NCOA7: variants seen among roughly 807,000 people sequenced by gnomAD.
NCOA7 encodes the protein 140 kDa estrogen receptor-associated protein.
In NCOA7, 45 loss-of-function variants were observed where a neutral mutation model predicts 104.3. The observed-to-expected ratio is 0.43, with a 90% confidence interval of 0.34 to 0.55. NCOA7 has a LOEUF of 0.55. NCOA7 is among the 20% of genes least tolerant of loss of function. NCOA7 has a pLI of 0.02. For synonymous variants in NCOA7, 398 were observed against 402.3 expected, an observed-to-expected ratio of 0.99 and a Z score of 0.13; for missense variants, 1,041 against 1,119.7, an observed-to-expected ratio of 0.93 and a Z score of 1.00.
chr6:125,789,829 T>C (rs1334359497), upstream of NCOA7, among the ~76,000 whole-genome samples: 2 of 152,158 alleles, frequency 1.3e-5, no homozygotes, highest in East Asian at 3.8e-4. Context: ...ATCTAGTTTA[T>C]CTGTGTGGAA....
chr6:125,818,208 G>A (rs1295120570), intron 2 of NCOA7, among the ~76,000 whole-genome samples: 4 of 152,040 alleles, frequency 2.6e-5, no homozygotes. Context: ...AGTGATTCCT[G>A]TAGTAAAGGT....
chr6:125,870,895 C>G (rs1782836748), intron 3 of NCOA7, among the ~76,000 whole-genome samples: 1 of 152,134 alleles, frequency 6.6e-6, no homozygotes, highest in Non-Finnish European at 1.5e-5. Context: ...CCTCCCCATT[C>G]CAGCTCTTAC....
intron 11 of NCOA7, among the ~76,000 whole-genome samples, chr6:125,920,051 A>G (rs868618487): frequency 7.2e-5 from 11 of 152,240 alleles, no homozygotes; most frequent in African/African-American, 2.4e-4. Flanking sequence ...TGATTTATCC[A>G]TAATTTAAGA....
chr6:125,831,763 C>T (rs1779201626), intron 2 of NCOA7, among the ~76,000 whole-genome samples: 1 of 152,166 alleles, frequency 6.6e-6, no homozygotes, highest in Non-Finnish European at 1.5e-5. Flanking sequence ...CTCAACATCC[C>T]TATAATTTTC....
intron 10 of NCOA7, among the ~76,000 whole-genome samples, chr6:125,911,904 C>G (rs531899230): frequency 3.9e-5 from 6 of 152,170 alleles, no homozygotes; most frequent in Non-Finnish European, 5.9e-5. Context: ...AGCATACCCT[C>G]TCCCCCACGT....
chr6:125,882,247 G>T (rs935643754), intron 6 of NCOA7, among the ~76,000 whole-genome samples, 179 bp from the exon 7 acceptor site: 3 of 152,052 alleles, frequency 2.0e-5, no homozygotes, highest in East Asian at 3.9e-4. Flanking sequence ...AAAACAGTTT[G>T]ATTTGGGTAT....
chr6:125,920,920 C>T, intron 11 of NCOA7, 23 bp from the exon 12 acceptor site: 1 of 1,608,164 alleles, frequency 6.2e-7, no homozygotes. Context: ...AGTTATTTTT[C>T]TTGGCTTGTT....
At chr6:125,830,619 A>T (rs1289172333) in intron 2 of NCOA7, among the ~76,000 whole-genome samples, 1 of 151,840 alleles carries the variant, frequency 6.6e-6, no homozygotes, top group Non-Finnish European at 1.5e-5. Context: ...AGGTGGGAGG[A>T]TTGCTTGAGC....
At position 125,864,703 on chromosome 6, in the gene NCOA7, C is replaced by A. The variant is rs1375767959; in HGVS notation, c.271+9463C>A. On this transcript the variant is annotated intron_variant, in intron 3 of 15. Coordinates refer to ENST00000392477, the MANE Select transcript of NCOA7 (RefSeq NM_181782.5). The stretch of plus-strand genomic sequence containing the variant: ...CGAGCCAGGATGAGGGAAAAATACG[C>A]CGAGTTTGCCAGTGTCTTGATCTCG... Among the ~76,000 whole-genome samples the A allele has an allele frequency of 1.5e-5, 2 of 137,028 alleles. 1 individual carries two copies. Among genetic ancestry groups the A allele is most frequent in the African/African-American group, 6.2e-5 (2 of 32,518 alleles). The allele number at this position is 137,028 out of a possible 152,430, so 89.9% of individuals were successfully genotyped here.
At chr6:125,826,547 T>TC (rs1778676981) in intron 2 of NCOA7, among the ~76,000 whole-genome samples, 1 of 152,112 alleles carries the variant, frequency 6.6e-6, no homozygotes, top group Non-Finnish European at 1.5e-5. Context: ...CTCTCAGTTC[T>TC]TTCATGTAAT....
chr6:125,823,112 C>G (rs995280168), intron 2 of NCOA7, among the ~76,000 whole-genome samples: 1 of 152,168 alleles, frequency 6.6e-6, no homozygotes, highest in African/African-American at 2.4e-5. Flanking sequence ...CAGCACTGCT[C>G]AAGGACACTC....
At chr6:125,916,904 T>C (rs949250062) in intron 11 of NCOA7, among the ~76,000 whole-genome samples, 1 of 152,250 alleles carries the variant, frequency 6.6e-6, no homozygotes, top group Non-Finnish European at 1.5e-5. Flanking sequence ...TTTTGATGTA[T>C]GGTAGATGAT....
In NCOA7 at chr6:125,881,755, T is replaced by A. The variant is rs530183245; in HGVS notation, c.573+552T>A. On this transcript the variant is annotated intron_variant, in intron 6 of 15. Transcript: ENST00000392477. ...TTTCCAGTGACATGGATAGTTTATTTGTATTCCTCCTTTTTTTAAAAAAAA... is the reference window on the plus strand; with the variant it reads ...TTTCCAGTGACATGGATAGTTTATTAGTATTCCTCCTTTTTTTAAAAAAAA... 2.6e-5 allele frequency among the ~76,000 whole-genome samples: 4 copies of A among 152,102 alleles called. 1 individual carries two copies. The highest frequency in any genetic ancestry group is 9.6e-5 in the African/African-American group (4 of 41,512).
chr6:125,814,862 AC>A (rs1777435460), intron 1 of NCOA7, among the ~76,000 whole-genome samples: 1 of 152,216 alleles, frequency 6.6e-6, no homozygotes, highest in Non-Finnish European at 1.5e-5. Flanking sequence ...TTTTAAAAAA[AC>A]ATTCTTGTAA....
intron 10 of NCOA7, among the ~76,000 whole-genome samples, chr6:125,898,265 G>A (rs534084889): frequency 6.6e-6 from 1 of 152,246 alleles, no homozygotes; most frequent in East Asian, 1.9e-4. Context: ...AGCTTCATTG[G>A]ACCCTGATGT....
intron 11 of NCOA7, chr6:125,919,446 G>A (rs367775031): frequency 1.1e-4 from 179 of 1,611,688 alleles, no homozygotes; most frequent in South Asian, 3.5e-4. Flanking sequence ...GTTGGAGTGC[G>A]TCCCGAGGGC....
intron 6 of NCOA7, 92 bp from the exon 7 acceptor site, chr6:125,882,334 A>G (rs1783908762): frequency 7.8e-7 from 1 of 1,286,702 alleles, no homozygotes; most frequent in Non-Finnish European, 1.1e-6. Flanking sequence ...TAGAAATAGT[A>G]TACTCACAGG....
rs1353158559 is a variant in NCOA7, at chr6:125,930,401, A to G, written c.*1630A>G. On this transcript the variant is annotated 3_prime_UTR_variant, in exon 16 of 16. Coordinates refer to ENST00000392477, the MANE Select transcript of NCOA7 (RefSeq NM_181782.5). ...AATAATAAAGACTTACTTAACCAAT[A>G]TTATTGATTACCAGACTTTTATGAA... The G allele has an allele frequency of 6.6e-6, 1 of 152,586 alleles. No individual in the cohort carries two copies. The highest frequency in any genetic ancestry group is 2.4e-5 in the African/African-American group (1 of 41,432). 9.5% of individuals were successfully genotyped at this position (152,586 alleles called of 1,614,324 possible).
At chr6:125,854,133 A>C (rs994564867) in intron 2 of NCOA7, among the ~76,000 whole-genome samples, 3 of 152,202 alleles carry the variant, frequency 2.0e-5, no homozygotes, top group Non-Finnish European at 4.4e-5. Flanking sequence ...AAAGGGACAT[A>C]ATTTTAAAAT....
Sources: allele counts gnomAD v4.1 joint callset (sites outside exome capture counted in the v4.1 genomes callset), GRCh38; gene constraint gnomAD v4.1.1; transcripts MANE v1.5; gene names NCBI Gene and HGNC (gene_info 2026-07-23, HGNC 2026-07-21).